The following DISC1 variants were observed in gnomAD, a reference collection of about 807,000 sequenced individuals.
The protein encoded by DISC1 is DISC1 scaffold protein.
A neutral mutation model predicts 84.5 loss-of-function variants in DISC1; 57 were observed. That is an observed-to-expected ratio of 0.67 (90% confidence interval 0.55 to 0.84). The LOEUF (loss-of-function observed/expected upper bound fraction) is 0.84, where lower values mean the gene tolerates loss of function less well. DISC1 is among the 40% of genes least tolerant of loss of function. DISC1 has a pLI of 0.00. For synonymous variants in DISC1, 411 were observed against 415.2 expected (o/e 0.99, Z 0.12); for missense variants, 1,000 against 1,057.8 (o/e 0.95, Z 0.76).
chr1:231,952,104 A>G (rs1316831292), intron 9 of DISC1, among the ~76,000 whole-genome samples: 1 of 150,622 alleles, frequency 6.6e-6, no homozygotes, highest in African/African-American at 2.4e-5. Flanking sequence ...AAAAAAAAAA[A>G]AAAAAAAAAG....
In DISC1 at chr1:231,785,221, C is replaced by CTG. The variant is rs71573141; in HGVS notation, c.1635-9989_1635-9988dup. Among the ~76,000 whole-genome samples, 73 of 136,524 alleles carry CTG rather than the reference C, an allele frequency of 5.3e-4. 1 individual carries two copies. Among genetic ancestry groups the CTG allele is most frequent in the South Asian group, 1.3e-3 (5 of 3,894 alleles). 89.6% of individuals were successfully genotyped at this position (136,524 alleles called of 152,430 possible). The stretch of plus-strand genomic sequence containing the variant: ...AGGTTGTTAATGTCAACAGATTTGT[C>CTG]TGTGTGTGTGTGTGTGTGTGTGTGT... On this transcript the variant is annotated intron_variant, in intron 6 of 12. Transcript: ENST00000439617.
chr1:231,727,522 T>G (rs2070889604), intron 3 of DISC1, among the ~76,000 whole-genome samples: 2 of 152,174 alleles, frequency 1.3e-5, no homozygotes, highest in Non-Finnish European at 2.9e-5. Context: ...CTCCTCTATT[T>G]GACCATCCTC....
chr1:231,845,488 G>A (rs1574228576), intron 9 of DISC1, among the ~76,000 whole-genome samples: 1 of 152,282 alleles, frequency 6.6e-6, no homozygotes, highest in East Asian at 1.9e-4. Context: ...GAATTGCCAG[G>A]TGGATTTGGT....
chr1:231,692,401 C>G (rs1272752883), intron 1 of DISC1, among the ~76,000 whole-genome samples: 2 of 152,208 alleles, frequency 1.3e-5, no homozygotes, highest in Non-Finnish European at 2.9e-5. Context: ...TCTTCAGATG[C>G]TCAAGTCAGG....
intron 10 of DISC1, among the ~76,000 whole-genome samples, chr1:231,980,543 A>G (rs911184181): frequency 3.9e-5 from 6 of 152,252 alleles, no homozygotes; most frequent in Non-Finnish European, 7.3e-5. Context: ...CTTTATTTTC[A>G]GCCAGATGGT....
intron 9 of DISC1, chr1:231,925,939 G>A (rs1339278467): frequency 6.6e-6 from 1 of 152,210 alleles, no homozygotes; most frequent in Non-Finnish European, 1.5e-5. Flanking sequence ...TGGCTGCTGG[G>A]ACAATGACGG....
At position 231,693,887 on chromosome 1, in the gene DISC1, G is replaced by C; in HGVS notation, c.129G>C (p.Pro43=). ...CFRRRRLARR[P]GYMRSSTGPG... is the part of the protein sequence containing the mutation. ...GGAGGCGGCGGCTGGCACGGAGGCCGGGCTACATGAGAAGCTCGACAGGGC... is the reference window on the plus strand; with the variant it reads ...GGAGGCGGCGGCTGGCACGGAGGCCCGGCTACATGAGAAGCTCGACAGGGC... The change falls in exon 2 of 13, where the codon CCG becomes CCC. Residue 43 remains proline (P), a synonymous_variant. Coordinates refer to ENST00000439617, the MANE Select transcript of DISC1 (RefSeq NM_018662.3). The C allele has an allele frequency of 6.2e-7, 1 of 1,614,100 alleles. No individual in the cohort carries two copies. Among genetic ancestry groups the C allele is most frequent in the Middle Eastern group, 1.7e-4 (1 of 6,024 alleles).
At chr1:231,722,638 G>A in intron 3 of DISC1, 2 of 1,613,872 alleles carry the variant, frequency 1.2e-6, no homozygotes, top group Non-Finnish European at 1.7e-6. Context: ...AAGACAAATA[G>A]ATATCCACAC....
chr1:231,823,043 A>C (rs1012552376), intron 9 of DISC1, among the ~76,000 whole-genome samples: 2 of 152,220 alleles, frequency 1.3e-5, no homozygotes, highest in Non-Finnish European at 2.9e-5. Context: ...AGGTCAAAGA[A>C]AAGAAACTAT....
In DISC1 at chr1:232,009,139, G is replaced by A. The variant is rs1667800087; in HGVS notation, c.2307+90G>A. The A allele has an allele frequency of 1.3e-6, 2 of 1,583,030 alleles. No individual in the cohort carries two copies. Among genetic ancestry groups the A allele is most frequent in the African/African-American group, 2.7e-5 (2 of 74,356 alleles). On this transcript the variant is annotated intron_variant, in intron 11 of 12. Transcript: ENST00000439617. The surrounding 1 kb of genome is among the most constrained non-coding windows in gnomAD (Gnocchi z 4.6). ...TCCAAATGGGAACAATAAATATTGG[G>A]AAGGCTTCCCATTGAGCATATAAAC...
At chr1:231,975,746 T>TG (rs1428183694) in intron 10 of DISC1, among the ~76,000 whole-genome samples, 1 of 152,240 alleles carries the variant, frequency 6.6e-6, no homozygotes, top group African/African-American at 2.4e-5. Context: ...ATATCGTGTG[T>TG]TCTCACTCCT....
chr1:231,711,799 T>C (rs1050242725), intron 3 of DISC1, among the ~76,000 whole-genome samples: 1 of 152,216 alleles, frequency 6.6e-6, no homozygotes, highest in Non-Finnish European at 1.5e-5. Flanking sequence ...TTTCTCTGTA[T>C]TGTGGCTTAT....
chr1:231,749,155 C>A (rs2074328485), intron 3 of DISC1, among the ~76,000 whole-genome samples: 1 of 152,220 alleles, frequency 6.6e-6, no homozygotes, highest in Non-Finnish European at 1.5e-5. Flanking sequence ...TTCACTCCCC[C>A]ACCGTACTCC....
chr1:231,935,199 T>C (rs1327151209), intron 9 of DISC1, among the ~76,000 whole-genome samples: 1 of 152,160 alleles, frequency 6.6e-6, no homozygotes, highest in East Asian at 1.9e-4. Context: ...AAGTGACATC[T>C]AACAGGGGAA....
At chr1:231,796,058 G>A (rs558949394) in intron 7 of DISC1, among the ~76,000 whole-genome samples, 23 of 152,072 alleles carry the variant, frequency 1.5e-4, no homozygotes, top group African/African-American at 4.8e-4. Flanking sequence ...TTTATCCATC[G>A]TTTATACTGC....
At chr1:231,916,609 C>G (rs1001920455) in intron 9 of DISC1, among the ~76,000 whole-genome samples, 1 of 147,544 alleles carries the variant, frequency 6.8e-6, no homozygotes. Context: ...GAGCCGAGAT[C>G]CCGCCACTGC....
At chr1:231,874,981 A>ATC (rs2085766600) in intron 9 of DISC1, among the ~76,000 whole-genome samples, 3 of 152,086 alleles carry the variant, frequency 2.0e-5, no homozygotes, top group Admixed American at 6.5e-5. Flanking sequence ...CATGAAAAAA[A>ATC]TCTCCATCAG....
intron 3 of DISC1, among the ~76,000 whole-genome samples, chr1:231,744,074 T>G (rs1211886379): frequency 1.3e-5 from 2 of 152,190 alleles, no homozygotes; most frequent in South Asian, 2.1e-4. Flanking sequence ...TAGACTTGAG[T>G]CTTATCGAAA....
chr1:231,811,266 G>A (rs1280172709), intron 8 of DISC1, among the ~76,000 whole-genome samples: 1 of 152,206 alleles, frequency 6.6e-6, no homozygotes, highest in Non-Finnish European at 1.5e-5. Flanking sequence ...GACCTCCAGG[G>A]AGAAGGGGGT....
Sources: allele counts gnomAD v4.1 joint callset (sites outside exome capture counted in the v4.1 genomes callset), GRCh38; gene constraint gnomAD v4.1.1; non-coding constraint Gnocchi (gnomAD v3.1); transcripts MANE v1.5; gene names NCBI Gene and HGNC (gene_info 2026-07-23, HGNC 2026-07-21).